Variants in LRMDA observed in about 807,000 individuals in gnomAD.
LRMDA encodes the protein leucine-rich melanocyte differentiation-associated protein.
In LRMDA, 18 loss-of-function variants were observed where a neutral mutation model predicts 29.8. That is an observed-to-expected ratio of 0.60 (90% CI 0.42 to 0.90). The LOEUF is 0.90. LRMDA is among the 40% of genes least tolerant of loss of function. The pLI is 0.00. For missense variants in LRMDA, 273 were observed against 273.9 expected (o/e 1.00, Z 0.02); for synonymous variants, 125 against 109.4 (o/e 1.14, Z -0.89).
chr10:76,485,303 T>G (rs74444371), intron 6 of LRMDA, among the ~76,000 whole-genome samples: 3,263 of 151,974 alleles, frequency 0.021, 120 homozygotes, highest in African/African-American at 0.073. Flanking sequence ...TATATTTCTT[T>G]AAAAATTTTT....
intron 2 of LRMDA, among the ~76,000 whole-genome samples, chr10:76,006,280 C>G (rs1170447553): frequency 9.2e-5 from 14 of 152,216 alleles, no homozygotes; most frequent in African/African-American, 3.4e-4. Flanking sequence ...TGAGGGTGTT[C>G]AGAGGAGTGA....
chr10:75,852,894 T>TTAAC (rs146217727), intron 2 of LRMDA, among the ~76,000 whole-genome samples: 91,021 of 151,740 alleles, frequency 0.6, 28,281 homozygotes, highest in South Asian at 0.7. Context: ...AGAGGATTAA[T>TTAAC]TCACAGTTCT....
intron 2 of LRMDA, among the ~76,000 whole-genome samples, chr10:75,690,716 G>A (rs1842134001): frequency 6.6e-6 from 1 of 151,926 alleles, no homozygotes; most frequent in Non-Finnish European, 1.5e-5. Flanking sequence ...CCAGCACTTT[G>A]GGAAACTGAG....
At chr10:76,235,234 A>C (rs749760673) in intron 5 of LRMDA, among the ~76,000 whole-genome samples, 10 of 152,138 alleles carry the variant, frequency 6.6e-5, no homozygotes, top group Non-Finnish European at 1.3e-4. Flanking sequence ...GTCAGAACAC[A>C]CACAACACTT....
intron 2 of LRMDA, among the ~76,000 whole-genome samples, chr10:75,905,930 GTT>G (rs5786198): frequency 6.7e-6 from 1 of 149,040 alleles, no homozygotes; most frequent in Non-Finnish European, 1.5e-5. Flanking sequence ...CTAGCCAAAG[GTT>G]TTTTTTTTCT....
At chr10:76,174,977 T>C (rs139544454) in intron 5 of LRMDA, among the ~76,000 whole-genome samples, 1 of 152,232 alleles carries the variant, frequency 6.6e-6, no homozygotes, top group African/African-American at 2.4e-5. Flanking sequence ...AAAAATTAGC[T>C]GGGCATAGTG....
intron 3 of LRMDA, among the ~76,000 whole-genome samples, chr10:76,043,270 C>A (rs1362761861): frequency 6.6e-6 from 1 of 152,130 alleles, no homozygotes; most frequent in African/African-American, 2.4e-5. Flanking sequence ...TTGGTCCCTG[C>A]ATATTTGTGT....
Position 75,949,476 on chromosome 10 carries a change from G to T in LRMDA, c.132-86532G>T, listed in dbSNP as rs776524450. The stretch of plus-strand genomic sequence containing the variant: ...TTCAAAGAGCAGCGTGCAGGTTCTG[G>T]ACCTGGGATGATGATGGGCTCACGT... On this transcript the variant is annotated intron_variant, in intron 2 of 6. Coordinates refer to ENST00000611255, the MANE Select transcript of LRMDA (RefSeq NM_001305581.2). Among the ~76,000 whole-genome samples the T allele has an allele frequency of 6.4e-4, 97 of 152,184 alleles. 1 individual carries two copies. Among genetic ancestry groups the T allele is most frequent in the Non-Finnish European group, 7.9e-4 (54 of 68,038 alleles).
At chr10:75,975,139 T>G (rs9416106) in intron 2 of LRMDA, among the ~76,000 whole-genome samples, 34,733 of 152,180 alleles carry the variant, frequency 0.23, 4,511 homozygotes, top group South Asian at 0.42. Flanking sequence ...TCCTGCATGG[T>G]AGATGCTGTA....
At chr10:75,835,194 G>C (rs1186387914) in intron 2 of LRMDA, among the ~76,000 whole-genome samples, 2 of 152,188 alleles carry the variant, frequency 1.3e-5, no homozygotes, top group East Asian at 3.9e-4. Flanking sequence ...TGATGGGAAG[G>C]CTGTTTCTTT....
At chr10:75,801,924 G>T (rs961795435) in intron 2 of LRMDA, among the ~76,000 whole-genome samples, 1 of 152,186 alleles carries the variant, frequency 6.6e-6, no homozygotes, top group African/African-American at 2.4e-5. Flanking sequence ...AGCTTCGTAT[G>T]TGCTGTGTAT....
intron 2 of LRMDA, among the ~76,000 whole-genome samples, chr10:76,035,000 C>T (rs1848216651): frequency 6.6e-6 from 1 of 151,960 alleles, no homozygotes; most frequent in South Asian, 2.1e-4. Context: ...ACAACTACCT[C>T]GTGTCACCTC....
intron 2 of LRMDA, among the ~76,000 whole-genome samples, chr10:75,818,937 C>T (rs761838696): frequency 1.6e-4 from 24 of 152,194 alleles, no homozygotes; most frequent in Non-Finnish European, 2.9e-5. Flanking sequence ...AATCCCAAGA[C>T]CCCGTGCCAG....
At chr10:75,600,164 AC>A (rs1379616831) in intron 2 of LRMDA, among the ~76,000 whole-genome samples, 3 of 146,294 alleles carry the variant, frequency 2.1e-5, no homozygotes, top group African/African-American at 8.4e-5. Context: ...GATGGATGAC[AC>A]CTTTTTCCCC....
At chr10:75,496,662 C>G (rs76850914) in intron 2 of LRMDA, among the ~76,000 whole-genome samples, 1,852 of 152,214 alleles carry the variant, frequency 0.012, 21 homozygotes, top group Non-Finnish European at 0.017. Context: ...GCTTTTACAA[C>G]TAGAAACACA....
At chr10:76,380,363 G>A (rs978740550) in intron 6 of LRMDA, among the ~76,000 whole-genome samples, 6 of 151,856 alleles carry the variant, frequency 4.0e-5, no homozygotes, top group East Asian at 1.9e-4. Context: ...TTATGTTTGT[G>A]TATCTTAAGA....
intron 5 of LRMDA, among the ~76,000 whole-genome samples, chr10:76,216,338 A>G (rs965744134): frequency 5.9e-5 from 9 of 152,366 alleles, no homozygotes; most frequent in African/African-American, 1.9e-4. Context: ...CCTGGGCAAC[A>G]GAGTGAGACC....
chr10:75,588,807 G>A, intron 2 of LRMDA, among the ~76,000 whole-genome samples: 1 of 152,026 alleles, frequency 6.6e-6, no homozygotes, highest in Non-Finnish European at 1.5e-5. Context: ...AATTTTATAT[G>A]TATAAGCAAG....
chr10:75,573,510 A>T (rs955068153), intron 2 of LRMDA, among the ~76,000 whole-genome samples: 2 of 151,584 alleles, frequency 1.3e-5, no homozygotes, highest in African/African-American at 4.8e-5. Context: ...GCTCTGGATC[A>T]TTTTTTTCAG....
Sources: gnomAD v4.1 joint callset for allele counts (sites outside exome capture counted in the v4.1 genomes callset) on GRCh38, gnomAD v4.1.1 for gene constraint, MANE v1.5 for transcripts, NCBI Gene and HGNC (gene_info 2026-07-23, HGNC 2026-07-21) for gene names.